The following PLCL1 variants were observed in gnomAD, a reference collection of about 807,000 sequenced individuals.
PLCL1 encodes phospholipase C like 1 (inactive), also known as inactive phospholipase C-like protein 1.
A neutral mutation model predicts 84.4 loss-of-function variants in PLCL1; 41 were observed. The observed-to-expected ratio is 0.49, with a 90% CI of 0.38 to 0.63. The LOEUF is 0.63. Among genes scored for constraint, PLCL1 ranks in the 30% least tolerant of loss-of-function variants. PLCL1 has a pLI of 0.00. For synonymous variants in PLCL1, 490 were observed against 488.3 expected (o/e 1.00, Z -0.05); for missense variants, 1,206 against 1,367.8 (o/e 0.88, Z 1.87).
At position 197,805,145 on chromosome 2, in the gene PLCL1, G is replaced by C. The variant is rs1369379605; in HGVS notation, c.46G>C (p.Ala16Pro). The change falls in exon 1 of 6, where the codon GCG (alanine) becomes CCG (proline). Residue 16 changes from alanine (A) to proline (P), a missense_variant. Transcript: ENST00000428675. The surrounding 1 kb of genome is among the most constrained non-coding windows in gnomAD (Gnocchi z 4.0). ...CAGGGAGGATCCGGCGCCGCCCGAC[G>C]CGGCGGGGGGCGAAGACGACCCCCG... ...AGREDPAPPD[A>P]AGGEDDPRVG... The C allele has an allele frequency of 7.6e-7, 1 of 1,310,756 alleles. No individual in the cohort carries two copies. Among genetic ancestry groups the C allele is most frequent in the Non-Finnish European group, 9.7e-7 (1 of 1,034,856 alleles). The allele number at this position is 1,310,756 out of a possible 1,614,324, so 81.2% of individuals were successfully genotyped here. A position where few individuals can be genotyped will look rare whatever the true frequency, so the allele number is the denominator to read the frequency against.
intron 1 of PLCL1, among the ~76,000 whole-genome samples, chr2:198,060,502 A>C (rs1336391254): frequency 6.6e-6 from 1 of 152,208 alleles, no homozygotes; most frequent in Non-Finnish European, 1.5e-5. Flanking sequence ...CTGAGCTGAC[A>C]CAGTACCTCT....
chr2:198,129,579 T>G (rs999138977), intron 5 of PLCL1, among the ~76,000 whole-genome samples: 17 of 152,204 alleles, frequency 1.1e-4, no homozygotes, highest in Admixed American at 1.0e-3. Flanking sequence ...CCACATGTTC[T>G]CAGGACCTCC....
chr2:197,961,725 C>G (rs1364584530), intron 1 of PLCL1, among the ~76,000 whole-genome samples: 1 of 151,832 alleles, frequency 6.6e-6, no homozygotes, highest in Non-Finnish European at 1.5e-5. Flanking sequence ...ATAATAGACT[C>G]TATGTGAGAG....
In PLCL1 at chr2:197,885,698, T is replaced by C. The variant is rs79835979; in HGVS notation, c.240+80359T>C. The stretch of plus-strand genomic sequence containing the variant: ...CTCAGATAGGCCTTCTCTGACCATC[T>C]TTCTAACTTCATGTCCAAGACATCC... On this transcript the variant is annotated intron_variant, in intron 1 of 5. Transcript: ENST00000428675. Among the ~76,000 whole-genome samples the C allele has an allele frequency of 6.9e-3, 1,057 of 152,346 alleles. 18 individuals carry two copies. Among genetic ancestry groups the C allele is most frequent in the African/African-American group, 0.024 (992 of 41,578 alleles).
chr2:197,805,663 T>A lies in PLCL1; in HGVS notation c.240+324T>A, dbSNP rs551612987. Among the ~76,000 whole-genome samples, 4 of 152,290 alleles carry A rather than the reference T, an allele frequency of 2.6e-5. No homozygotes were observed. In the South Asian group the frequency reaches 8.3e-4, roughly 32 times the overall value. ...GGAGGAAGGGAGAACTCTGGATAAA[T>A]GCAGACCCACCGGATGGTTGTGCAT... On this transcript the variant is annotated intron_variant, in intron 1 of 5. Transcript: ENST00000428675. This position sits in a 1 kb window ranked among gnomAD's most constrained non-coding sequence, Gnocchi z 4.0.
intron 1 of PLCL1, among the ~76,000 whole-genome samples, chr2:198,000,402 G>C (rs1347118918): frequency 6.6e-6 from 1 of 152,170 alleles, no homozygotes; most frequent in African/African-American, 2.4e-5. Flanking sequence ...ACTGGTCATA[G>C]TTGTTTGTAG....
At chr2:197,827,651 T>G (rs1380942496) in intron 1 of PLCL1, among the ~76,000 whole-genome samples, 1 of 152,146 alleles carries the variant, frequency 6.6e-6, no homozygotes, top group African/African-American at 2.4e-5. Context: ...TGAAAAATAA[T>G]TCAGTGTAGC....
In PLCL1 at chr2:198,085,894, A is replaced by G; in HGVS notation, c.2377A>G (p.Met793Val). ...EFQVNLPELA[M>V]IRFVVLDDDY... Reference sequence around the variant, plus strand: ...CCAAGTAAACCTACCTGAGCTGGCCATGATCCGTTTTGTTGTTCTGGATGA... The same window carrying G: ...CCAAGTAAACCTACCTGAGCTGGCCGTGATCCGTTTTGTTGTTCTGGATGA... The change falls in exon 2 of 6, where the codon ATG (methionine) becomes GTG (valine). Residue 793 changes from methionine (M) to valine (V), a missense_variant. Physicochemically the swap from Met to Val is conservative, Grantham distance 21. Transcript: ENST00000428675. This position sits in a 1 kb window ranked among gnomAD's most constrained non-coding sequence, Gnocchi z 5.3. The G allele has an allele frequency of 1.2e-6, 2 of 1,614,144 alleles. No individual in the cohort carries two copies. Among genetic ancestry groups the G allele is most frequent in the Non-Finnish European group, 8.5e-7 (1 of 1,179,956 alleles).
At chr2:198,028,741 T>G (rs56236045) in intron 1 of PLCL1, among the ~76,000 whole-genome samples, 1 of 152,176 alleles carries the variant, frequency 6.6e-6, no homozygotes, top group East Asian at 1.9e-4. Flanking sequence ...CTCTAGCTTT[T>G]GATGTTTAAA....
intron 1 of PLCL1, among the ~76,000 whole-genome samples, chr2:197,868,121 A>G (rs1265442245): frequency 6.6e-6 from 1 of 152,218 alleles, no homozygotes; most frequent in East Asian, 1.9e-4. Context: ...CTTAGCTATT[A>G]TAACTGCTGG....
chr2:198,025,334 C>A (rs905929101), intron 1 of PLCL1, among the ~76,000 whole-genome samples: 2 of 151,804 alleles, frequency 1.3e-5, no homozygotes, highest in South Asian at 2.1e-4. Flanking sequence ...ATTCATAAAT[C>A]TTTTCCCCTT....
intron 1 of PLCL1, among the ~76,000 whole-genome samples, chr2:197,872,565 T>C (rs1036861824): frequency 6.6e-6 from 1 of 152,146 alleles, no homozygotes; most frequent in Non-Finnish European, 1.5e-5. Flanking sequence ...ATTGTGATCA[T>C]AGGCAAGTTA....
intron 1 of PLCL1, among the ~76,000 whole-genome samples, chr2:197,938,281 A>T (rs1459213212): frequency 6.6e-6 from 1 of 152,122 alleles, no homozygotes; most frequent in Non-Finnish European, 1.5e-5. Flanking sequence ...CCATTGTCAT[A>T]CTGTAGTATT....
intron 1 of PLCL1, among the ~76,000 whole-genome samples, chr2:197,929,329 C>T (rs952530895): frequency 6.6e-6 from 1 of 152,278 alleles, no homozygotes; most frequent in East Asian, 1.9e-4. Flanking sequence ...CTTATAAACA[C>T]CCTAGAAGGA....
chr2:198,116,750 C>A (rs956502450), intron 5 of PLCL1, among the ~76,000 whole-genome samples: 1 of 151,850 alleles, frequency 6.6e-6, no homozygotes, highest in Non-Finnish European at 1.5e-5. Context: ...TATGTAGAAG[C>A]TCCAGGGTTT....
chr2:198,045,263 TTA>T (rs1691759834), intron 1 of PLCL1, among the ~76,000 whole-genome samples: 1 of 152,194 alleles, frequency 6.6e-6, no homozygotes, highest in Non-Finnish European at 1.5e-5. Flanking sequence ...GTTTTTTGTA[TTA>T]TGTTTCCTAA....
At chr2:197,834,689 A>C (rs562426344) in intron 1 of PLCL1, among the ~76,000 whole-genome samples, 5 of 152,232 alleles carry the variant, frequency 3.3e-5, no homozygotes, top group African/African-American at 1.2e-4. Flanking sequence ...GAACGCTTGT[A>C]CACTGTTGGT....
intron 5 of PLCL1, among the ~76,000 whole-genome samples, chr2:198,121,975 C>T (rs990824478): frequency 6.6e-6 from 1 of 152,034 alleles, no homozygotes; most frequent in Admixed American, 6.6e-5. Flanking sequence ...AGTGCTTCAG[C>T]TCCTTCAAGC....
intron 5 of PLCL1, among the ~76,000 whole-genome samples, chr2:198,125,886 A>C (rs958299569): frequency 6.6e-6 from 1 of 152,152 alleles, no homozygotes; most frequent in African/African-American, 2.4e-5. Context: ...CTCCTAGTAG[A>C]CCGAGCAGAA....
Sources: allele counts gnomAD v4.1 joint callset (sites outside exome capture counted in the v4.1 genomes callset), GRCh38; gene constraint gnomAD v4.1.1; non-coding constraint Gnocchi (gnomAD v3.1); transcripts MANE v1.5; gene names NCBI Gene and HGNC (gene_info 2026-07-23, HGNC 2026-07-21).